CYTH2: variants seen among roughly 807,000 people sequenced by gnomAD.
CYTH2 encodes the protein cytohesin 2, also known as cytohesin-2.
A neutral mutation model predicts 55.4 loss-of-function variants in CYTH2; 24 were observed. The observed-to-expected ratio is 0.43, with a 90% CI of 0.31 to 0.61. CYTH2 has a LOEUF of 0.61. Ranked by LOEUF, CYTH2 falls within the 20% of genes least tolerant of loss-of-function variation. CYTH2 has a pLI of 0.08. For synonymous variants in CYTH2, 221 were observed against 209.6 expected (o/e 1.05, Z -0.47); for missense variants, 378 against 533.5 (o/e 0.71, Z 2.87).
chr19:48,469,827 G>A (rs1037178777), intron 1 of CYTH2: 12 of 550,464 alleles, frequency 2.2e-5, no homozygotes, highest in Non-Finnish European at 2.3e-5. Flanking sequence ...CCCAGCGCCT[G>A]CCGGGGCCGG....
At chr19:48,470,289 G>C in intron 1 of CYTH2, 64 bp from the exon 2 acceptor site, 2 of 1,541,190 alleles carry the variant, frequency 1.3e-6, no homozygotes, top group South Asian at 1.2e-5. Context: ...TCCGCCCCCA[G>C]ATTGCAGGAA....
rs1384525163 is a variant in CYTH2 at position 48,474,238 on chromosome 19, C to G, written c.604C>G (p.Pro202Ala). ...VIMLNTSLHN[P>A]NVRDKPGLER... The stretch of plus-strand genomic sequence containing the variant: ...CATGCTCAACACCAGTCTCCACAAT[C>G]CCAATGTCCGGGACAAGCCGGGCCT... The change falls in exon 7 of 12, where the codon CCC (proline) becomes GCC (alanine). Residue 202 changes from proline to alanine, a missense_variant. Pro to Ala is a conservative substitution (Grantham distance 27). Coordinates refer to ENST00000452733, the MANE Select transcript of CYTH2 (RefSeq NM_004228.7). The surrounding 1 kb of genome is among the most constrained non-coding windows in gnomAD (Gnocchi z 4.9). 6.2e-7 allele frequency: 1 copy of G among 1,613,298 alleles called. No individual in the cohort carries two copies. Among genetic ancestry groups the G allele is most frequent in the Admixed American group, 1.7e-5 (1 of 59,874 alleles).
intron 4 of CYTH2, 28 bp downstream of exon 4, chr19:48,472,471 G>GCCCCCCCCCCCCCCCCCCCCCACC: frequency 1.3e-6 from 2 of 1,584,666 alleles, no homozygotes; most frequent in Non-Finnish European, 8.6e-7. Flanking sequence ...CTCCTGTGGG[G>GCCCCCCCCCCCCCCCCCCCCCACC]CCCCTCCCTC....
In CYTH2 at chr19:48,469,377, G is replaced by T; in HGVS notation, c.-131G>T. 1 of 1,055,970 alleles carries T rather than the reference G, an allele frequency of 9.5e-7. No homozygotes were observed. The highest frequency in any genetic ancestry group is 1.2e-6 in the Non-Finnish European group (1 of 807,696). 65.4% of individuals were successfully genotyped at this position (1,055,970 alleles called of 1,614,324 possible). A position where few individuals can be genotyped will look rare whatever the true frequency, so the allele number is the denominator to read the frequency against. ...AAGGGAAGAGTCTTTTCAGCGCTGAGGACTGGCGCTGAGGAGGCGGCGGTG... is the reference window on the plus strand; with the variant it reads ...AAGGGAAGAGTCTTTTCAGCGCTGATGACTGGCGCTGAGGAGGCGGCGGTG... On this transcript the variant is annotated 5_prime_UTR_variant, in exon 1 of 12. In the 5' UTR this introduces an upstream ATG that the reference lacks. Transcript: ENST00000452733.
intron 8 of CYTH2, chr19:48,477,846 C>G: frequency 1.8e-6 from 1 of 553,276 alleles, no homozygotes; most frequent in Non-Finnish European, 3.2e-6. Flanking sequence ...TGGGCTGGGA[C>G]TGACAGACTC....
At chr19:48,475,023 C>A in intron 8 of CYTH2, 74 bp downstream of exon 8, 2 of 1,326,404 alleles carry the variant, frequency 1.5e-6, no homozygotes, top group Non-Finnish European at 1.1e-6. Flanking sequence ...ACTCAGCTTC[C>A]GCACACACCT....
chr19:48,473,183 G>A (rs1447397720), intron 4 of CYTH2, 115 bp from the exon 5 acceptor site: 6 of 1,134,522 alleles, frequency 5.3e-6, no homozygotes, highest in Non-Finnish European at 5.2e-6. Flanking sequence ...CTTCACCCTC[G>A]GCAGTGGGCA....
chr19:48,470,483 G>A lies in CYTH2; in HGVS notation c.150G>A (p.Leu50=). ...AAGCCATGAGCGAGGTGGAGGGGCT[G>A]GAGGCCAATGAGGGCAGGTGAGGGC... The part of the protein sequence containing the change: ...LSEAMSEVEG[L]EANEGSKTLQ... The change falls in exon 2 of 12, where the codon CTG becomes CTA. Residue 50 remains leucine, a synonymous_variant. Coordinates refer to ENST00000452733, the MANE Select transcript of CYTH2 (RefSeq NM_004228.7). 1 of 1,613,996 alleles carries A rather than the reference G, an allele frequency of 6.2e-7. No individual in the cohort carries two copies. The highest frequency in any genetic ancestry group is 1.1e-5 in the South Asian group (1 of 91,076).
chr19:48,477,545 C>A, intron 8 of CYTH2: 1 of 156,260 alleles, frequency 6.4e-6, no homozygotes. Flanking sequence ...TCTCCCTCCC[C>A]TCCTCTCTGC....
In CYTH2 at chr19:48,479,376, T is replaced by C. The variant is rs2147515263; in HGVS notation, c.*166T>C. The C allele has an allele frequency of 3.0e-6, 2 of 668,784 alleles. No homozygotes were observed. Among genetic ancestry groups the C allele is most frequent in the Non-Finnish European group, 5.1e-6 (2 of 395,766 alleles). 41.4% of individuals were successfully genotyped at this position (668,784 alleles called of 1,614,324 possible). A position where few individuals can be genotyped will look rare whatever the true frequency, so the allele number is the denominator to read the frequency against. Reference sequence around the variant, plus strand: ...ACGCTGTTGGTAATCTTATTAATTATTTAACCACTTGGCCTGCTGACCCCC... The same window carrying C: ...ACGCTGTTGGTAATCTTATTAATTACTTAACCACTTGGCCTGCTGACCCCC... On this transcript the variant is annotated 3_prime_UTR_variant, in exon 12 of 12. Transcript: ENST00000452733.
rs73050916 is a variant in CYTH2 at position 48,480,803 on chromosome 19, A to G, written c.*1593A>G. 48,416 of 152,138 alleles carry G rather than the reference A, an allele frequency of 0.32. 9,951 individuals are homozygous for G. The highest frequency in any genetic ancestry group is 0.47 in the Non-Finnish European group (31,981 of 67,946). 9.4% of individuals were successfully genotyped at this position (152,138 alleles called of 1,614,324 possible). A position where few individuals can be genotyped will look rare whatever the true frequency, so the allele number is the denominator to read the frequency against. ...AGAAGGTCGTGGGAGATGAGGTCCCAGGGTAAACAGCGGGTCCCGCCACTA... is the reference window on the plus strand; with the variant it reads ...AGAAGGTCGTGGGAGATGAGGTCCCGGGGTAAACAGCGGGTCCCGCCACTA... On this transcript the variant is annotated 3_prime_UTR_variant, in exon 12 of 12. Coordinates refer to ENST00000452733, the MANE Select transcript of CYTH2 (RefSeq NM_004228.7).
intron 8 of CYTH2, chr19:48,476,326 G>C (rs1971911586): frequency 4.8e-6 from 1 of 210,112 alleles, no homozygotes; most frequent in Admixed American, 5.8e-5. Context: ...GATTGTTTGA[G>C]CTCAAGTGGT....
At position 48,474,764 on chromosome 19, in the gene CYTH2, CGCT is replaced by C. The variant is rs1487895040; in HGVS notation, c.697-71_697-69del. ...CTATGAGTCATCCCATCCCTGGTCT[CGCT>C]GCCCCCCACCCTGAGTAACCCTGGG... On this transcript the variant is annotated intron_variant, in intron 7 of 11. Coordinates refer to ENST00000452733, the MANE Select transcript of CYTH2 (RefSeq NM_004228.7). This position sits in a 1 kb window ranked among gnomAD's most constrained non-coding sequence, Gnocchi z 4.9. 1.4e-5 allele frequency: 19 copies of C among 1,320,056 alleles called. No individual in the cohort carries two copies. In the East Asian group the frequency reaches 4.2e-4, roughly 29 times the overall value. The allele number at this position is 1,320,056 out of a possible 1,614,324, so 81.8% of individuals were successfully genotyped here.
chr19:48,477,960 C>T, intron 8 of CYTH2, 109 bp from the exon 9 acceptor site: 2 of 831,854 alleles, frequency 2.4e-6, no homozygotes, highest in South Asian at 3.2e-5. Flanking sequence ...GTCTAGGCCC[C>T]AGGAGCCCCA....
chr19:48,475,553 AG>A, intron 8 of CYTH2: 1 of 155,544 alleles, frequency 6.4e-6, no homozygotes, highest in Non-Finnish European at 1.4e-5. Flanking sequence ...GCAGAGATGG[AG>A]GGGGGAGTCT....
chr19:48,470,826 T>C lies in CYTH2; in HGVS notation c.234+157T>C, dbSNP rs143786527. On this transcript the variant is annotated intron_variant, in intron 3 of 11. Coordinates refer to ENST00000452733, the MANE Select transcript of CYTH2 (RefSeq NM_004228.7). ...TCAGATACTGGCTGTCCATTTGTTT[T>C]CTGAACACTGAACACTGACCAAGTG... 2.6e-3 allele frequency among the ~76,000 whole-genome samples: 392 copies of C among 152,260 alleles called. 2 individuals are homozygous for C. Among genetic ancestry groups the C allele is most frequent in the African/African-American group, 8.9e-3 (369 of 41,534 alleles).
intron 1 of CYTH2, 39 bp from the exon 2 acceptor site, chr19:48,470,314 C>G: frequency 6.4e-7 from 1 of 1,573,902 alleles, no homozygotes; most frequent in East Asian, 2.2e-5. Context: ...GGCTCACGGC[C>G]CCTAGCACTG....
At chr19:48,477,772 G>T (rs1971946905) in intron 8 of CYTH2, 3 of 446,922 alleles carry the variant, frequency 6.7e-6, no homozygotes, top group Non-Finnish European at 1.2e-5. Flanking sequence ...GGAGGGGGCT[G>T]CCCTGGCGCC....
intron 4 of CYTH2, 62 bp downstream of exon 4, chr19:48,472,505 C>A: frequency 1.5e-6 from 2 of 1,341,934 alleles, no homozygotes; most frequent in African/African-American, 1.5e-5. Context: ...CCAGCTCCTG[C>A]CCTCACACTG....
Sources: gnomAD v4.1 joint callset for allele counts (sites outside exome capture counted in the v4.1 genomes callset) on GRCh38, gnomAD v4.1.1 for gene constraint, Gnocchi (gnomAD v3.1) non-coding constraint, MANE v1.5 for transcripts, NCBI Gene and HGNC (gene_info 2026-07-23, HGNC 2026-07-21) for gene names.